Variants in SGIP1 observed in about 807,000 individuals in gnomAD.
The protein encoded by SGIP1 is SH3-containing GRB2-like protein 3-interacting protein 1.
SGIP1 carries 38 observed loss-of-function variants against 107.5 expected under a neutral mutation model. That is an observed-to-expected ratio of 0.35 (90% confidence interval 0.27 to 0.46). SGIP1 has a LOEUF of 0.46. Ranked by LOEUF, SGIP1 falls within the 20% of genes least tolerant of loss-of-function variation. SGIP1 has a pLI of 1.00. For missense variants in SGIP1, 929 were observed against 1,019.5 expected (o/e 0.91, Z 1.21); for synonymous variants, 365 against 366.1 (o/e 1.00, Z 0.03).
chr1:66,652,120 T>C (rs1330857704), intron 7 of SGIP1, among the ~76,000 whole-genome samples: 1 of 152,098 alleles, frequency 6.6e-6, no homozygotes, highest in African/African-American at 2.4e-5. Context: ...TTATTATCTG[T>C]GTGGTCATAG....
intron 7 of SGIP1, among the ~76,000 whole-genome samples, chr1:66,645,893 T>C (rs2077568304): frequency 6.6e-6 from 1 of 152,030 alleles, no homozygotes. Context: ...CAGGCTGGAG[T>C]GCAATGGTAT....
chr1:66,731,443 A>G (rs1251550018), intron 20 of SGIP1, among the ~76,000 whole-genome samples: 1 of 152,210 alleles, frequency 6.6e-6, no homozygotes, highest in African/African-American at 2.4e-5. Flanking sequence ...ATATATTAAC[A>G]TACTGGTCTT....
At chr1:66,569,659 T>C (rs1172795977) in intron 1 of SGIP1, among the ~76,000 whole-genome samples, 3 of 151,926 alleles carry the variant, frequency 2.0e-5, no homozygotes, top group Non-Finnish European at 2.9e-5. Flanking sequence ...TAATACTTTA[T>C]TGAGAATTTT....
rs757790319 is a variant in SGIP1, at chr1:66,694,502, C to T, written c.1571-932C>T. The stretch of plus-strand genomic sequence containing the variant: ...TTTGAAAGGCGCTGTGAAACGCCTG[C>T]AGGTATGGTGCTAGCCAAGTGATCT... On this transcript the variant is annotated intron_variant, in intron 17 of 24. Coordinates refer to ENST00000371037, the MANE Select transcript of SGIP1 (RefSeq NM_032291.4). The T allele has an allele frequency of 6.9e-6, 11 of 1,600,630 alleles. No homozygotes were observed. The Admixed American group carries it at 1.4e-4, about 20-fold the overall frequency.
At chr1:66,564,784 G>T (rs74878744) in intron 1 of SGIP1, among the ~76,000 whole-genome samples, 1 of 151,804 alleles carries the variant, frequency 6.6e-6, no homozygotes, top group Admixed American at 6.6e-5. Flanking sequence ...GGCTTTTAGG[G>T]TAGTTACTTC....
chr1:66,706,184 TG>T (rs1017602004), intron 18 of SGIP1, among the ~76,000 whole-genome samples: 1 of 151,474 alleles, frequency 6.6e-6, no homozygotes, highest in African/African-American at 2.4e-5. Flanking sequence ...AAATCTGAAA[TG>T]TTTTTGTTAT....
At chr1:66,545,989 C>G (rs2056300397) in intron 1 of SGIP1, among the ~76,000 whole-genome samples, 1 of 152,024 alleles carries the variant, frequency 6.6e-6, no homozygotes, top group Admixed American at 6.6e-5. Flanking sequence ...CAATAAATAC[C>G]CAGTTTTAAT....
intron 1 of SGIP1, among the ~76,000 whole-genome samples, chr1:66,534,612 G>A (rs1311875349): frequency 6.6e-6 from 1 of 152,208 alleles, no homozygotes; most frequent in Admixed American, 6.5e-5. Flanking sequence ...AAAGCCTAAA[G>A]TGTTTGCAGG....
chr1:66,560,473 T>A (rs56283052), intron 1 of SGIP1, among the ~76,000 whole-genome samples: 22,225 of 152,036 alleles, frequency 0.15, 1,711 homozygotes, highest in Admixed American at 0.18. Flanking sequence ...GTGTTTCCTC[T>A]GTTTAGACAC....
chr1:66,574,413 A>G (rs908467091), intron 1 of SGIP1, among the ~76,000 whole-genome samples: 3 of 151,960 alleles, frequency 2.0e-5, no homozygotes, highest in African/African-American at 4.8e-5. Flanking sequence ...ATCCTCCCTT[A>G]TTGGTGCTTA....
chr1:66,552,435 C>T (rs147650444), intron 1 of SGIP1, among the ~76,000 whole-genome samples: 1 of 152,110 alleles, frequency 6.6e-6, no homozygotes, highest in Admixed American at 6.6e-5. Context: ...TTCTTCTGCT[C>T]TCTTACCTGG....
At chr1:66,732,190 A>G (rs1178120277) in intron 20 of SGIP1, among the ~76,000 whole-genome samples, 1 of 152,194 alleles carries the variant, frequency 6.6e-6, no homozygotes, top group African/African-American at 2.4e-5. Flanking sequence ...GCTAGATATT[A>G]ATTCTGAACC....
chr1:66,694,155 G>T (rs1270262949), intron 17 of SGIP1, among the ~76,000 whole-genome samples: 2 of 151,864 alleles, frequency 1.3e-5, no homozygotes, highest in Non-Finnish European at 2.9e-5. Context: ...CCCAGAGAAG[G>T]TGGGGCATGA....
At chr1:66,540,053 T>G (rs1380493008) in intron 1 of SGIP1, among the ~76,000 whole-genome samples, 3 of 152,208 alleles carry the variant, frequency 2.0e-5, no homozygotes, top group African/African-American at 7.2e-5. Flanking sequence ...ATGGCTCAGA[T>G]AACTGTATAC....
rs2094533240 is a variant in SGIP1 at position 66,744,949 on chromosome 1, A to G, written c.*1854A>G. ...TTCCATGAAACATGGAATTTATGACACCAAAATCAATGGAGAGTAAGCAGC... is the reference window on the plus strand; with the variant it reads ...TTCCATGAAACATGGAATTTATGACGCCAAAATCAATGGAGAGTAAGCAGC... On this transcript the variant is annotated 3_prime_UTR_variant, in exon 25 of 25. Coordinates refer to ENST00000371037, the MANE Select transcript of SGIP1 (RefSeq NM_032291.4). 6.6e-6 allele frequency: 1 copy of G among 152,496 alleles called. No homozygotes were observed. The highest frequency in any genetic ancestry group is 2.1e-4 in the South Asian group (1 of 4,824). The allele number at this position is 152,496 out of a possible 1,614,324, so 9.4% of individuals were successfully genotyped here.
At position 66,743,243 on chromosome 1, in the gene SGIP1, C is replaced by A; in HGVS notation, c.*148C>A. 1.5e-6 allele frequency: 1 copy of A among 684,234 alleles called. No homozygotes were observed. The allele number at this position is 684,234 out of a possible 1,614,324, so 42.4% of individuals were successfully genotyped here. On this transcript the variant is annotated 3_prime_UTR_variant, in exon 25 of 25. Coordinates refer to ENST00000371037, the MANE Select transcript of SGIP1 (RefSeq NM_032291.4). ...AGTCAATGACTTTCATCTGTGATTTCCCTCACACACTACCATGATGACCAG... is the reference window on the plus strand; with the variant it reads ...AGTCAATGACTTTCATCTGTGATTTACCTCACACACTACCATGATGACCAG...
intron 18 of SGIP1, among the ~76,000 whole-genome samples, chr1:66,712,589 AT>A (rs1268339965): frequency 1.3e-5 from 2 of 150,832 alleles, no homozygotes; most frequent in Admixed American, 6.6e-5. Flanking sequence ...TTTTTTTCTA[AT>A]TTTTTCTTTC....
chr1:66,743,266 C>A lies in SGIP1; in HGVS notation c.*171C>A. On this transcript the variant is annotated 3_prime_UTR_variant, in exon 25 of 25. Coordinates refer to ENST00000371037, the MANE Select transcript of SGIP1 (RefSeq NM_032291.4). ...TTCCCTCACACACTACCATGATGAC[C>A]AGTCCTACAGTATTTACTTCTAGGT... is the stretch of plus-strand genomic sequence containing the variant. 1 of 569,306 alleles carries A rather than the reference C, an allele frequency of 1.8e-6. No individual in the cohort carries two copies. Among genetic ancestry groups the A allele is most frequent in the Non-Finnish European group, 3.1e-6 (1 of 321,356 alleles). 35.3% of individuals were successfully genotyped at this position (569,306 alleles called of 1,614,324 possible).
chr1:66,605,892 G>T (rs560156533), intron 1 of SGIP1, among the ~76,000 whole-genome samples: 2 of 152,186 alleles, frequency 1.3e-5, no homozygotes, highest in East Asian at 3.9e-4. Context: ...AGTTTTCCAG[G>T]TAAAGTTTCG....
Sources: allele counts gnomAD v4.1 joint callset (sites outside exome capture counted in the v4.1 genomes callset), GRCh38; gene constraint gnomAD v4.1.1; transcripts MANE v1.5; gene names NCBI Gene and HGNC (gene_info 2026-07-23, HGNC 2026-07-21).